Variants in AGBL1 observed in about 807,000 individuals in gnomAD.
AGBL1 encodes cytosolic carboxypeptidase 4.
In AGBL1, 130 loss-of-function variants were observed where a neutral mutation model predicts 118.9. The observed-to-expected ratio is 1.09, with a 90% CI of 0.95 to 1.26. AGBL1 has a LOEUF of 1.26. AGBL1 is among the 50% of genes most tolerant of loss of function. The pLI is 0.00. For synonymous variants in AGBL1, 555 were observed against 478.9 expected, an observed-to-expected ratio of 1.16 and a Z score of -2.08; for missense variants, 1,584 against 1,298.1, an observed-to-expected ratio of 1.22 and a Z score of -3.38.
rs142169858 is a variant in AGBL1 at position 86,473,142 on chromosome 15, G to A, written c.2556-49668G>A. Among the ~76,000 whole-genome samples the A allele has an allele frequency of 1.4e-3, 210 of 152,072 alleles. 1 individual carries two copies. Among genetic ancestry groups the A allele is most frequent in the African/African-American group, 4.8e-3 (201 of 41,456 alleles). ...GAGAATACTGTTCTCTAATTTTGTA[G>A]CATTTAGGTTTCATCCCAATTTCTC... On this transcript the variant is annotated intron_variant, in intron 18 of 22. Transcript: ENST00000614907.
At chr15:86,211,884 C>T (rs1183816659) in intron 5 of AGBL1, among the ~76,000 whole-genome samples, 3 of 152,144 alleles carry the variant, frequency 2.0e-5, no homozygotes, top group Admixed American at 6.5e-5. Flanking sequence ...GAACCAGGCA[C>T]CTCAGTTGGA....
Position 86,669,958 on chromosome 15 carries a change from G to A in AGBL1, c.2995-4315G>A, listed in dbSNP as rs867961937. Among the ~76,000 whole-genome samples the A allele has an allele frequency of 1.1e-4, 17 of 152,018 alleles. 1 individual carries two copies. The highest frequency in any genetic ancestry group is 8.3e-4 in the South Asian group (4 of 4,818). On this transcript the variant is annotated intron_variant, in intron 21 of 22. Coordinates refer to ENST00000614907, the MANE Select transcript of AGBL1 (RefSeq NM_001386094.1). The stretch of plus-strand genomic sequence containing the variant: ...TTATTCAACTTTATTTAAATCATGC[G>A]CATTTTTCATATTCTAAATGGTTGT...
intron 22 of AGBL1, among the ~76,000 whole-genome samples, chr15:86,824,741 T>C (rs1329195466): frequency 1.3e-5 from 2 of 152,026 alleles, no homozygotes; most frequent in African/African-American, 2.4e-5. Context: ...TAGACACATA[T>C]AGATCAATAG....
chr15:86,408,881 G>T, intron 18 of AGBL1, among the ~76,000 whole-genome samples: 1 of 152,008 alleles, frequency 6.6e-6, no homozygotes, highest in East Asian at 1.9e-4. Flanking sequence ...ACTTTCTCCT[G>T]CCCTCACTGG....
intron 17 of AGBL1, among the ~76,000 whole-genome samples, chr15:86,341,409 T>C (rs562384874): frequency 1.3e-4 from 20 of 152,072 alleles, no homozygotes; most frequent in Non-Finnish European, 2.2e-4. Flanking sequence ...TACCCTGAGG[T>C]CATTCTTGGG....
intron 24 of AGBL1, among the ~76,000 whole-genome samples, chr15:87,007,608 T>C (rs1010021980): frequency 1.9e-4 from 29 of 152,278 alleles, no homozygotes; most frequent in Admixed American, 1.2e-3. Context: ...GAGATAACTA[T>C]ATAAGAAGTT....
chr15:86,151,562 C>A (rs766509696), intron 3 of AGBL1, among the ~76,000 whole-genome samples: 1 of 152,112 alleles, frequency 6.6e-6, no homozygotes, highest in Non-Finnish European at 1.5e-5. Flanking sequence ...AACCCACAGC[C>A]GATATCATAC....
chr15:86,302,707 A>G (rs2079769803), intron 17 of AGBL1, among the ~76,000 whole-genome samples: 1 of 144,826 alleles, frequency 6.9e-6, no homozygotes, highest in African/African-American at 2.5e-5. Context: ...TGATCCCAGG[A>G]GGTGGAGGTT....
intron 17 of AGBL1, among the ~76,000 whole-genome samples, chr15:86,303,950 A>C (rs756488725): frequency 8.5e-5 from 13 of 152,182 alleles, no homozygotes; most frequent in Middle Eastern, 3.2e-3. Context: ...AATAAGTAGG[A>C]GGTAGAGCTT....
At chr15:86,878,764 C>A (rs529127068) in intron 22 of AGBL1, among the ~76,000 whole-genome samples, 2 of 152,328 alleles carry the variant, frequency 1.3e-5, no homozygotes, top group South Asian at 4.1e-4. Context: ...GCTAATCAGC[C>A]TGCTCAACTG....
chr15:86,905,695 A>G (rs1373150161), intron 22 of AGBL1, among the ~76,000 whole-genome samples: 1 of 152,196 alleles, frequency 6.6e-6, no homozygotes, highest in African/African-American at 2.4e-5. Flanking sequence ...CCAAAGTCCC[A>G]CAGCCAATAT....
chr15:86,554,149 C>T (rs767799482), intron 20 of AGBL1, among the ~76,000 whole-genome samples: 14 of 152,082 alleles, frequency 9.2e-5, no homozygotes, highest in African/African-American at 2.9e-4. Context: ...CATGAGCCAC[C>T]GCTCCTGGCC....
At chr15:86,355,072 T>C (rs1890951511) in intron 17 of AGBL1, among the ~76,000 whole-genome samples, 2 of 152,168 alleles carry the variant, frequency 1.3e-5, no homozygotes, top group Non-Finnish European at 2.9e-5. Flanking sequence ...ATTCTCCACC[T>C]AGCCTCCAAA....
In AGBL1 at chr15:86,262,078, C is replaced by CTTTTTTT. The variant is rs61365024; in HGVS notation, c.970-690_970-684dup. On this transcript the variant is annotated intron_variant, in intron 9 of 22. Coordinates refer to ENST00000614907, the MANE Select transcript of AGBL1 (RefSeq NM_001386094.1). ...CACTGCTAGGCCTATGCATAGCTGG[C>CTTTTTTT]TTTTTTTTTTTTTTTTGCCATTTAG... Among the ~76,000 whole-genome samples, 316 of 52,752 alleles carry CTTTTTTT rather than the reference C, an allele frequency of 6.0e-3. 87 individuals carry two copies. The East Asian group carries it at 0.13, about 22-fold the overall frequency. 34.6% of individuals were successfully genotyped at this position (52,752 alleles called of 152,430 possible).
At chr15:86,963,874 A>G (rs550778530) in intron 23 of AGBL1, among the ~76,000 whole-genome samples, 2 of 152,112 alleles carry the variant, frequency 1.3e-5, no homozygotes, top group Non-Finnish European at 1.5e-5. Flanking sequence ...CTCAGAGTTC[A>G]TACTTATAAA....
intron 21 of AGBL1, among the ~76,000 whole-genome samples, chr15:86,637,428 C>A (rs1011821220): frequency 6.6e-6 from 1 of 152,044 alleles, no homozygotes; most frequent in African/African-American, 2.4e-5. Context: ...GCTTGAAGAA[C>A]AGATGAAGGT....
At chr15:86,177,214 C>A (rs2077493411) in intron 5 of AGBL1, among the ~76,000 whole-genome samples, 1 of 152,132 alleles carries the variant, frequency 6.6e-6, no homozygotes, top group Non-Finnish European at 1.5e-5. Context: ...AAAGGTAATT[C>A]CGTAATAGTA....
rs1777440812 is a variant in AGBL1 at position 86,751,887 on chromosome 15, AC to A, written c.3158+77452del. On this transcript the variant is annotated intron_variant, in intron 22 of 22. Transcript: ENST00000614907. ...TGGTAAAGCCCTTTTAGGGAAAAAA[AC>A]ATGTTTTAATCACAGGTCCCAGAAT... is the stretch of plus-strand genomic sequence containing the variant. Among the ~76,000 whole-genome samples, 4 of 152,130 alleles carry A rather than the reference AC, an allele frequency of 2.6e-5. No individual in the cohort carries two copies. In the South Asian group the frequency reaches 8.3e-4, roughly 31 times the overall value.
intron 18 of AGBL1, among the ~76,000 whole-genome samples, chr15:86,506,154 C>T (rs1220473973): frequency 6.6e-6 from 1 of 152,036 alleles, no homozygotes; most frequent in African/African-American, 2.4e-5. Context: ...TACATCTCTT[C>T]TTTAATCTTC....
Sources: gnomAD v4.1 joint callset for allele counts (sites outside exome capture counted in the v4.1 genomes callset) on GRCh38, gnomAD v4.1.1 for gene constraint, MANE v1.5 for transcripts, NCBI Gene and HGNC (gene_info 2026-07-23, HGNC 2026-07-21) for gene names.